Variants in PGGT1B observed in about 807,000 individuals in gnomAD.
PGGT1B encodes the protein geranylgeranyl transferase type-1 subunit beta.
PGGT1B carries 30 observed loss-of-function variants against 46.1 expected under a neutral mutation model. The ratio of observed to expected loss-of-function variants is 0.65; its 90% CI spans 0.49 to 0.88. The LOEUF (loss-of-function observed/expected upper bound fraction) is 0.88, where lower values mean the gene tolerates loss of function less well. Among genes scored for constraint, PGGT1B ranks in the 40% least tolerant of loss-of-function variants. The pLI, the probability that PGGT1B is intolerant of heterozygous loss-of-function variation, is 0.00. For missense variants in PGGT1B, 376 were observed against 455.9 expected, an observed-to-expected ratio of 0.82 and a Z score of 1.60; for synonymous variants, 170 against 160.0, an observed-to-expected ratio of 1.06 and a Z score of -0.47.
intron 1 of PGGT1B, among the ~76,000 whole-genome samples, chr5:115,254,982 T>C (rs1364935322): frequency 6.6e-6 from 1 of 152,162 alleles, no homozygotes; most frequent in African/African-American, 2.4e-5. Flanking sequence ...GCTCAGACTC[T>C]GCAGTCAAAT....
At position 115,237,884 on chromosome 5, in the gene PGGT1B, C is replaced by T. The variant is rs1243486059; in HGVS notation, c.453G>A (p.Leu151=). ...TCCCATCTTCCAGCTGAAGGGCTCT[C>T]AAGCCCGCTAAGCAAGCTTCTTTAT... ...RVNKEACLAG[L]RALQLEDGSF... is the part of the protein sequence containing the mutation. Residue 151 remains leucine (L), a synonymous_variant, in exon 4 of 9, where the codon TTG becomes TTA. Transcript: ENST00000419445. The T allele has an allele frequency of 8.1e-6, 13 of 1,609,648 alleles. No individual in the cohort carries two copies. Among genetic ancestry groups the T allele is most frequent in the Non-Finnish European group, 9.3e-6 (11 of 1,179,276 alleles).
chr5:115,216,843 G>C (rs1465676989), intron 8 of PGGT1B, 22 bp downstream of exon 8: 2 of 1,196,258 alleles, frequency 1.7e-6, no homozygotes, highest in Non-Finnish European at 1.2e-6. Flanking sequence ...AGGTTGTTCT[G>C]ATTCACAAAG....
chr5:115,206,083 C>A lies in PGGT1B; in HGVS notation c.*6319G>T, dbSNP rs1022221157. The A allele has an allele frequency of 6.6e-6, 1 of 151,488 alleles. No homozygotes were observed. Among genetic ancestry groups the A allele is most frequent in the Non-Finnish European group, 1.5e-5 (1 of 67,712 alleles). The allele number at this position is 151,488 out of a possible 1,614,324, so 9.4% of individuals were successfully genotyped here. A position where few individuals can be genotyped will look rare whatever the true frequency, so the allele number is the denominator to read the frequency against. ...TAATACATTGTTGAATGAAAAAAAA[C>A]CATGGAATATTTAGTACCTCAGATC... On this transcript the variant is annotated 3_prime_UTR_variant, in exon 9 of 9. Transcript: ENST00000419445.
At chr5:115,251,253 C>G (rs267303) in intron 2 of PGGT1B, among the ~76,000 whole-genome samples, 1 of 151,880 alleles carries the variant, frequency 6.6e-6, no homozygotes, top group Non-Finnish European at 1.5e-5. Flanking sequence ...TTTTGTGAAC[C>G]CTTGTTATTT....
At chr5:115,230,158 G>T (rs1009249606) in intron 6 of PGGT1B, among the ~76,000 whole-genome samples, 2 of 151,916 alleles carry the variant, frequency 1.3e-5, no homozygotes, top group African/African-American at 4.8e-5. Context: ...TGTTGATGAG[G>T]AAACCCTCCG....
intron 8 of PGGT1B, among the ~76,000 whole-genome samples, chr5:115,214,644 A>C (rs996589517): frequency 6.6e-6 from 1 of 152,234 alleles, no homozygotes; most frequent in Non-Finnish European, 1.5e-5. Context: ...GTAAAAAGTA[A>C]GTAGTACATC....
intron 5 of PGGT1B, among the ~76,000 whole-genome samples, chr5:115,235,743 C>T (rs1034608303): frequency 6.6e-6 from 1 of 152,168 alleles, no homozygotes; most frequent in South Asian, 2.1e-4. Context: ...AAAATATGAT[C>T]CACTGTTACA....
At chr5:115,214,557 T>C (rs1756350365) in intron 8 of PGGT1B, among the ~76,000 whole-genome samples, 2 of 152,322 alleles carry the variant, frequency 1.3e-5, no homozygotes, top group East Asian at 3.9e-4. Context: ...TGGGACCAGA[T>C]CTTTACACAT....
rs1406927881 is a variant in PGGT1B, at chr5:115,212,186, A to G, written c.*216T>C. ...AGAAATACAGTATAAACATTTAAGAACCACGACAAAGTTGTGGTTCAAACT... is the reference window on the plus strand; with the variant it reads ...AGAAATACAGTATAAACATTTAAGAGCCACGACAAAGTTGTGGTTCAAACT... On this transcript the variant is annotated 3_prime_UTR_variant, in exon 9 of 9. Transcript: ENST00000419445. The G allele has an allele frequency of 1.3e-6, 1 of 741,622 alleles. No homozygotes were observed. The highest frequency in any genetic ancestry group is 1.8e-5 in the African/African-American group (1 of 55,184). The allele number at this position is 741,622 out of a possible 1,614,324, so 45.9% of individuals were successfully genotyped here. A position where few individuals can be genotyped will look rare whatever the true frequency, so the allele number is the denominator to read the frequency against.
intron 7 of PGGT1B, among the ~76,000 whole-genome samples, chr5:115,217,739 A>T (rs758189322): frequency 6.6e-6 from 1 of 152,044 alleles, no homozygotes; most frequent in Admixed American, 6.5e-5. Flanking sequence ...AGCTAAACTC[A>T]TAAGAAAGTT....
intron 2 of PGGT1B, among the ~76,000 whole-genome samples, chr5:115,244,749 C>G (rs1747737286): frequency 1.3e-5 from 2 of 151,826 alleles, no homozygotes; most frequent in South Asian, 4.2e-4. Context: ...AGCTACCACG[C>G]CCAGCTAATT....
At chr5:115,251,928 A>G (rs1211305335) in intron 2 of PGGT1B, among the ~76,000 whole-genome samples, 1 of 152,110 alleles carries the variant, frequency 6.6e-6, no homozygotes, top group Non-Finnish European at 1.5e-5. Context: ...TAAATTATTA[A>G]AAAACATCCG....
chr5:115,219,788 A>T (rs1023009492), intron 7 of PGGT1B, among the ~76,000 whole-genome samples: 1 of 151,874 alleles, frequency 6.6e-6, no homozygotes, highest in Non-Finnish European at 1.5e-5. Context: ...TTGAATAGAT[A>T]TATCTCCCAA....
At chr5:115,215,751 A>C (rs1756395549) in intron 8 of PGGT1B, among the ~76,000 whole-genome samples, 1 of 149,986 alleles carries the variant, frequency 6.7e-6, no homozygotes, top group Non-Finnish European at 1.5e-5. Context: ...ATGGAAGATG[A>C]GTTGATGAGG....
intron 6 of PGGT1B, among the ~76,000 whole-genome samples, chr5:115,224,308 G>A (rs574184231): frequency 6.6e-6 from 1 of 152,062 alleles, no homozygotes; most frequent in Non-Finnish European, 1.5e-5. Context: ...AAAGTAAAAA[G>A]AGGCAATTAA....
intron 6 of PGGT1B, among the ~76,000 whole-genome samples, chr5:115,226,729 T>G (rs1192087255): frequency 1.3e-5 from 2 of 151,976 alleles, no homozygotes; most frequent in African/African-American, 4.8e-5. Context: ...ATAAGACATA[T>G]GACCAGCTTA....
intron 7 of PGGT1B, among the ~76,000 whole-genome samples, chr5:115,219,773 A>G (rs181816361): frequency 1.3e-5 from 2 of 152,002 alleles, no homozygotes; most frequent in Non-Finnish European, 2.9e-5. Context: ...AAATAGGCAA[A>G]GGGTTTGAAT....
Position 115,236,397 on chromosome 5 carries a change from C to G in PGGT1B, c.605G>C (p.Arg202Thr). 1 of 1,592,412 alleles carries G rather than the reference C, an allele frequency of 6.3e-7. No homozygotes were observed. The highest frequency in any genetic ancestry group is 1.2e-5 in the South Asian group (1 of 86,660). ...TTTATCAACAGAACTCACCATACTC[C>G]TTCTAATATAGGTGATGGCTTTTTT... ...DMKKAITYIR[R>T]SMSYDNGLAQ... is the part of the protein sequence containing the mutation. Residue 202 changes from arginine (R) to threonine (T), a missense_variant, in exon 5 of 9, where the codon AGG (arginine) becomes ACG (threonine). This residue lies in a region of PGGT1B where 222 missense variants were observed against 313.6 expected (regional missense o/e 0.71). Transcript: ENST00000419445.
chr5:115,217,433 T>TA (rs1301228357), intron 7 of PGGT1B, among the ~76,000 whole-genome samples: 13 of 152,020 alleles, frequency 8.6e-5, no homozygotes, highest in Admixed American at 2.6e-4. Flanking sequence ...TTGAAAATAG[T>TA]AAAAAAGTAT....
Sources: allele counts gnomAD v4.1 joint callset (sites outside exome capture counted in the v4.1 genomes callset), GRCh38; gene constraint gnomAD v4.1.1; regional missense constraint gnomAD v4.1.1; transcripts MANE v1.5; gene names NCBI Gene and HGNC (gene_info 2026-07-23, HGNC 2026-07-21).